The following ZCCHC7 variants were observed in gnomAD, a reference collection of about 807,000 sequenced individuals.
The protein encoded by ZCCHC7 is zinc finger CCHC domain-containing protein 7.
ZCCHC7 carries 35 observed loss-of-function variants against 52.0 expected under a neutral mutation model. The ratio of observed to expected loss-of-function variants is 0.67; its 90% confidence interval spans 0.51 to 0.89. The LOEUF (loss-of-function observed/expected upper bound fraction) is 0.89, where lower values mean the gene tolerates loss of function less well. ZCCHC7 is among the 40% of genes least tolerant of loss of function. The probability of loss-of-function intolerance (pLI) is 0.00; values close to 1 mark genes in which losing one functional copy is unlikely to be tolerated. For synonymous variants in ZCCHC7, 217 were observed against 221.5 expected, an observed-to-expected ratio of 0.98 and a Z score of 0.18; for missense variants, 574 against 649.1, an observed-to-expected ratio of 0.88 and a Z score of 1.26.
intron 1 of ZCCHC7, among the ~76,000 whole-genome samples, chr9:37,123,500 G>A (rs962969842): frequency 6.6e-6 from 1 of 152,124 alleles, no homozygotes; most frequent in Non-Finnish European, 1.5e-5. Context: ...TAAATCCTTT[G>A]ACCCAAGGAA....
chr9:37,126,581 C>G lies in ZCCHC7; in HGVS notation c.249C>G (p.Ile83Met). 6.2e-7 allele frequency: 1 copy of G among 1,614,086 alleles called. No homozygotes were observed. The highest frequency in any genetic ancestry group is 8.5e-7 in the Non-Finnish European group (1 of 1,180,010). ...KLIVLSDSEV[I>M]QLSDGSEVIT... ...TCGTCCTTTCAGATAGTGAGGTCATCCAGCTGTCAGATGGGTCAGAGGTCA... is the reference window on the plus strand; with the variant it reads ...TCGTCCTTTCAGATAGTGAGGTCATGCAGCTGTCAGATGGGTCAGAGGTCA... Residue 83 changes from isoleucine to methionine, a missense_variant, in exon 2 of 9, where the codon ATC (isoleucine) becomes ATG (methionine). Ile to Met is a conservative substitution (Grantham distance 10). This residue lies in a region of ZCCHC7 where 403 missense variants were observed against 461.2 expected (regional missense o/e 0.87). Transcript: ENST00000336755.
chr9:37,221,676 A>G (rs753503603), intron 2 of ZCCHC7, among the ~76,000 whole-genome samples: 9 of 152,218 alleles, frequency 5.9e-5, no homozygotes, highest in Non-Finnish European at 1.0e-4. Flanking sequence ...GATGAGTAAG[A>G]TTTGAATAGA....
At chr9:37,317,145 T>G (rs1829858915) in intron 5 of ZCCHC7, among the ~76,000 whole-genome samples, 1 of 152,172 alleles carries the variant, frequency 6.6e-6, no homozygotes, top group Admixed American at 6.5e-5. Context: ...GTGAAATTTC[T>G]GAATGTCAAA....
intron 2 of ZCCHC7, among the ~76,000 whole-genome samples, chr9:37,216,857 C>T (rs559067139): frequency 2.0e-5 from 3 of 152,022 alleles, no homozygotes; most frequent in East Asian, 1.9e-4. Context: ...TTATGAAAGC[C>T]TCTTATTTTT....
intron 2 of ZCCHC7, among the ~76,000 whole-genome samples, chr9:37,134,719 T>TTTG (rs747774504): frequency 1.3e-5 from 2 of 152,104 alleles, no homozygotes; most frequent in African/African-American, 2.4e-5. Flanking sequence ...TTGGTTGTTT[T>TTTG]TTGTTGTTGT....
At chr9:37,181,827 A>C (rs866676103) in intron 2 of ZCCHC7, among the ~76,000 whole-genome samples, 7 of 152,168 alleles carry the variant, frequency 4.6e-5, no homozygotes, top group African/African-American at 1.7e-4. Context: ...CATTTCAAAA[A>C]GGTGATTTTT....
chr9:37,180,058 T>C (rs538051692), intron 2 of ZCCHC7, among the ~76,000 whole-genome samples: 1 of 152,274 alleles, frequency 6.6e-6, no homozygotes, highest in East Asian at 1.9e-4. Context: ...TTATTTTTTT[T>C]CCCCTGCACT....
At chr9:37,205,264 T>C in intron 2 of ZCCHC7, 1 of 328,218 alleles carries the variant, frequency 3.0e-6, no homozygotes, top group South Asian at 3.4e-5. Flanking sequence ...GGTGTTCCTT[T>C]TTGAACAGTA....
chr9:37,165,821 ACATCAGAATCATCTGACT>A (rs1221249258), intron 2 of ZCCHC7, among the ~76,000 whole-genome samples: 12 of 152,260 alleles, frequency 7.9e-5, no homozygotes, highest in African/African-American at 2.4e-4. Context: ...AACAGAACTA[ACATCAGAATCATCTGACT>A]CATCAGAATC....
chr9:37,270,857 G>A (rs1161027364), intron 2 of ZCCHC7, among the ~76,000 whole-genome samples: 1 of 149,608 alleles, frequency 6.7e-6, no homozygotes, highest in Non-Finnish European at 1.5e-5. Context: ...TTTCATTTCT[G>A]TTCATTCTGA....
intron 2 of ZCCHC7, among the ~76,000 whole-genome samples, chr9:37,198,129 TGTCCTA>T (rs1461072336): frequency 2.0e-5 from 3 of 152,216 alleles, no homozygotes; most frequent in Non-Finnish European, 4.4e-5. Flanking sequence ...CCCTCTTACT[TGTCCTA>T]GAATCTGTGG....
chr9:37,219,365 A>G (rs930060943), intron 2 of ZCCHC7, among the ~76,000 whole-genome samples: 6 of 152,224 alleles, frequency 3.9e-5, no homozygotes, highest in Admixed American at 6.5e-5. Context: ...CACTTTGCCA[A>G]AAAAGTTTGC....
At chr9:37,163,385 C>CAAAAA (rs1022187626) in intron 2 of ZCCHC7, among the ~76,000 whole-genome samples, 38 of 76,670 alleles carry the variant, frequency 5.0e-4, no homozygotes, top group Non-Finnish European at 5.5e-4. Flanking sequence ...GACTCCATCT[C>CAAAAA]AAAAAAAAAA....
At chr9:37,303,143 G>A (rs1829113348) in intron 3 of ZCCHC7, among the ~76,000 whole-genome samples, 1 of 152,124 alleles carries the variant, frequency 6.6e-6, no homozygotes, top group Non-Finnish European at 1.5e-5. Context: ...AGCAGTGGCT[G>A]GCCGGGCGTG....
At position 37,244,583 on chromosome 9, in the gene ZCCHC7, G is replaced by A. The variant is rs573350668; in HGVS notation, c.611-57605G>A. Among the ~76,000 whole-genome samples, 7 of 151,964 alleles carry A rather than the reference G, an allele frequency of 4.6e-5. No individual in the cohort carries two copies. The East Asian group carries it at 1.2e-3, about 25-fold the overall frequency. Reference sequence around the variant, plus strand: ...CCTTTAATCTTCATGTATTAAGAGAGGGTGAATAATAATGAATTATTTTTG... The same window carrying A: ...CCTTTAATCTTCATGTATTAAGAGAAGGTGAATAATAATGAATTATTTTTG... On this transcript the variant is annotated intron_variant, in intron 2 of 8. Transcript: ENST00000336755.
intron 2 of ZCCHC7, among the ~76,000 whole-genome samples, chr9:37,177,316 C>G (rs1425442828): frequency 6.6e-6 from 1 of 151,958 alleles, no homozygotes; most frequent in Non-Finnish European, 1.5e-5. Flanking sequence ...GCCTGGGTGA[C>G]AGAGTGAGAC....
chr9:37,137,242 C>G (rs954378551), intron 2 of ZCCHC7, among the ~76,000 whole-genome samples: 1 of 152,118 alleles, frequency 6.6e-6, no homozygotes, highest in Non-Finnish European at 1.5e-5. Context: ...CGTAATCATT[C>G]CAGGTGAATG....
chr9:37,202,955 G>A (rs1386128796), intron 2 of ZCCHC7, among the ~76,000 whole-genome samples: 1 of 152,218 alleles, frequency 6.6e-6, no homozygotes, highest in Non-Finnish European at 1.5e-5. Context: ...AAAATACTGA[G>A]TAATGTAAGT....
chr9:37,120,785 C>A (rs992111409), intron 1 of ZCCHC7, 162 bp downstream of exon 1: 31 of 329,064 alleles, frequency 9.4e-5, no homozygotes, highest in African/African-American at 6.4e-4. Context: ...TGGTCCGTCA[C>A]CTGCGCGCCG....
Sources: gnomAD v4.1 joint callset for allele counts (sites outside exome capture counted in the v4.1 genomes callset) on GRCh38, gnomAD v4.1.1 for gene constraint, gnomAD v4.1.1 regional missense constraint, MANE v1.5 for transcripts, NCBI Gene and HGNC (gene_info 2026-07-23, HGNC 2026-07-21) for gene names.